The following MYRIP variants were observed in gnomAD, a reference collection of about 807,000 sequenced individuals.
MYRIP encodes rab effector MyRIP.
Under a neutral mutation model 98.0 loss-of-function variants are expected in MYRIP, and 49 were observed. The observed-to-expected ratio is 0.50, with a 90% CI of 0.40 to 0.63. MYRIP has a LOEUF of 0.63. Among genes scored for constraint, MYRIP ranks in the 30% least tolerant of loss-of-function variants. The pLI is 0.00. For missense variants in MYRIP, 1,004 were observed against 1,058.2 expected (o/e 0.95, Z 0.71); for synonymous variants, 404 against 409.5 (o/e 0.99, Z 0.16).
At chr3:40,058,228 G>C (rs1947923596) in intron 3 of MYRIP, among the ~76,000 whole-genome samples, 2 of 152,096 alleles carry the variant, frequency 1.3e-5, no homozygotes, top group Non-Finnish European at 2.9e-5. Context: ...TGGTGAATGA[G>C]GAGACTTAGG....
intron 2 of MYRIP, among the ~76,000 whole-genome samples, chr3:40,034,103 T>TA (rs1475486900): frequency 6.6e-6 from 1 of 152,020 alleles, no homozygotes; most frequent in African/African-American, 2.4e-5. Context: ...ACGTTAGACC[T>TA]AAAACCATAA....
chr3:40,218,925 A>G (rs1397779674), intron 11 of MYRIP, among the ~76,000 whole-genome samples: 1 of 152,036 alleles, frequency 6.6e-6, no homozygotes, highest in Non-Finnish European at 1.5e-5. Context: ...GAGTAAGTGC[A>G]TAAAATATAG....
intron 1 of MYRIP, among the ~76,000 whole-genome samples, chr3:39,860,458 AC>A (rs1273503593): frequency 2.0e-5 from 3 of 152,102 alleles, no homozygotes; most frequent in African/African-American, 7.2e-5. Context: ...CCTTTGGGGA[AC>A]TGTCAGACCT....
intron 2 of MYRIP, among the ~76,000 whole-genome samples, chr3:40,043,401 T>G (rs992795430): frequency 6.6e-6 from 1 of 152,156 alleles, no homozygotes; most frequent in African/African-American, 2.4e-5. Flanking sequence ...TTCTTCTCAC[T>G]GAGCACAGAG....
intron 5 of MYRIP, 39 bp from the exon 6 acceptor site, chr3:40,166,807 T>C (rs560545074): frequency 7.5e-7 from 1 of 1,331,334 alleles, no homozygotes; most frequent in South Asian, 1.2e-5. Flanking sequence ...TACTCATCAT[T>C]CCCTTTTAGA....
chr3:40,166,988 G>A (rs144046519), intron 6 of MYRIP, 45 bp downstream of exon 6: 3 of 1,509,214 alleles, frequency 2.0e-6, no homozygotes, highest in Admixed American at 1.7e-5. Context: ...GTGTGGGTTG[G>A]GGTCCTTGCT....
chr3:40,127,510 C>A (rs1949547746), intron 3 of MYRIP, among the ~76,000 whole-genome samples: 1 of 152,180 alleles, frequency 6.6e-6, no homozygotes, highest in Non-Finnish European at 1.5e-5. Flanking sequence ...GAGTTAGATT[C>A]CTACATGAAA....
chr3:40,080,868 T>C (rs1948465415), intron 3 of MYRIP, among the ~76,000 whole-genome samples: 1 of 150,412 alleles, frequency 6.6e-6, no homozygotes, highest in Non-Finnish European at 1.5e-5. Flanking sequence ...TAATTTCTGA[T>C]GATGGATACC....
At chr3:40,086,973 G>C (rs1319331856) in intron 3 of MYRIP, among the ~76,000 whole-genome samples, 1 of 152,072 alleles carries the variant, frequency 6.6e-6, no homozygotes, top group African/African-American at 2.4e-5. Context: ...CTATGACCAG[G>C]ACAATGCTGG....
At chr3:40,085,452 T>A (rs561814938) in intron 3 of MYRIP, among the ~76,000 whole-genome samples, 1 of 152,046 alleles carries the variant, frequency 6.6e-6, no homozygotes, top group Non-Finnish European at 1.5e-5. Context: ...GCCCAGCTAA[T>A]TTTTGTATTT....
chr3:40,026,763 A>C (rs1031799282), intron 2 of MYRIP, among the ~76,000 whole-genome samples: 1 of 152,086 alleles, frequency 6.6e-6, no homozygotes, highest in Non-Finnish European at 1.5e-5. Flanking sequence ...GCTGACCCCC[A>C]TGCAGCCAAA....
intron 2 of MYRIP, among the ~76,000 whole-genome samples, chr3:39,982,406 G>T (rs557321192): frequency 6.6e-6 from 1 of 152,086 alleles, no homozygotes. Context: ...TGACATTTTC[G>T]TTAATGGAAA....
intron 16 of MYRIP, among the ~76,000 whole-genome samples, chr3:40,254,257 A>C (rs1575686857): frequency 6.6e-6 from 1 of 152,180 alleles, no homozygotes; most frequent in East Asian, 1.9e-4. Flanking sequence ...CAAATTTAAA[A>C]GGGAAAGGGC....
At chr3:40,196,086 T>C (rs61619834) in intron 10 of MYRIP, among the ~76,000 whole-genome samples, 12 of 152,046 alleles carry the variant, frequency 7.9e-5, no homozygotes, top group Middle Eastern at 3.4e-3. Flanking sequence ...AGTTTATAGA[T>C]TTTTTTTCTC....
chr3:40,148,741 C>G (rs1324416732), intron 3 of MYRIP, among the ~76,000 whole-genome samples: 1 of 152,118 alleles, frequency 6.6e-6, no homozygotes, highest in African/African-American at 2.4e-5. Flanking sequence ...TATCTTGACT[C>G]TTTTTTCTTT....
At chr3:40,176,082 A>ACTACCTTC (rs1950749794) in intron 8 of MYRIP, among the ~76,000 whole-genome samples, 2 of 152,214 alleles carry the variant, frequency 1.3e-5, no homozygotes, top group Non-Finnish European at 2.9e-5. Context: ...AGATGAAGGT[A>ACTACCTTC]GTAATAAGTG....
intron 1 of MYRIP, among the ~76,000 whole-genome samples, chr3:39,891,992 A>G (rs1559512264): frequency 6.6e-6 from 1 of 151,962 alleles, no homozygotes; most frequent in Non-Finnish European, 1.5e-5. Flanking sequence ...AAATTTTTAT[A>G]TAGACAAATA....
intron 2 of MYRIP, among the ~76,000 whole-genome samples, chr3:39,980,704 T>C (rs1342692221): frequency 6.6e-6 from 1 of 152,258 alleles, no homozygotes; most frequent in Non-Finnish European, 1.5e-5. Context: ...GGCTGGATTT[T>C]CAGTTACCTT....
intron 8 of MYRIP, among the ~76,000 whole-genome samples, chr3:40,176,434 G>A (rs1950760023): frequency 6.6e-6 from 1 of 152,092 alleles, no homozygotes; most frequent in Admixed American, 6.5e-5. Flanking sequence ...TAAAGAAGAA[G>A]ACATGAACAA....
Sources: gnomAD v4.1 joint callset for allele counts (sites outside exome capture counted in the v4.1 genomes callset) on GRCh38, gnomAD v4.1.1 for gene constraint, MANE v1.5 for transcripts, NCBI Gene and HGNC (gene_info 2026-07-23, HGNC 2026-07-21) for gene names.